Variants in LYPD6B observed in about 807,000 individuals in gnomAD.
The protein encoded by LYPD6B is ly6/PLAUR domain-containing protein 6B.
Under a neutral mutation model 22.8 loss-of-function variants are expected in LYPD6B, and 17 were observed. The observed-to-expected ratio is 0.75, with a 90% CI of 0.51 to 1.12. LYPD6B has a LOEUF of 1.12. Ranked by LOEUF, LYPD6B falls within the 50% of genes most tolerant of loss-of-function variation. LYPD6B has a pLI of 0.00. For synonymous variants in LYPD6B, 106 were observed against 91.6 expected, an observed-to-expected ratio of 1.16 and a Z score of -0.90; for missense variants, 221 against 258.3, an observed-to-expected ratio of 0.86 and a Z score of 0.99.
intron 1 of LYPD6B, among the ~76,000 whole-genome samples, chr2:149,098,126 C>A (rs938647589): frequency 6.6e-6 from 1 of 152,052 alleles, no homozygotes; most frequent in African/African-American, 2.4e-5. Flanking sequence ...ATAGACCCAG[C>A]TCTCATGTGC....
At chr2:149,081,770 C>T (rs1685147782) in intron 1 of LYPD6B, among the ~76,000 whole-genome samples, 1 of 152,116 alleles carries the variant, frequency 6.6e-6, no homozygotes, top group Non-Finnish European at 1.5e-5. Flanking sequence ...TTTATGTACA[C>T]ATTTTAAAAC....
In LYPD6B at chr2:149,205,393, C is replaced by T; in HGVS notation, c.218C>T (p.Pro73Leu). The T allele has an allele frequency of 6.2e-7, 1 of 1,613,814 alleles. No homozygotes were observed. Among genetic ancestry groups the T allele is most frequent in the Non-Finnish European group, 8.5e-7 (1 of 1,179,782 alleles). ...AACATCAACTTCTATAATGTGAGGC[C>T]TCCTCTCGACCGTAAGTAGTGGTGG... is the stretch of plus-strand genomic sequence containing the variant. ...AKNINFYNVR[P>L]PLDPTPFPNS... Residue 73 changes from proline (P) to leucine (L), a missense_variant, in exon 4 of 7, where the codon CCT (proline) becomes CTT (leucine). Pro to Leu is a moderately conservative substitution (Grantham distance 98, BLOSUM62 -3). Coordinates refer to ENST00000409642, the MANE Select transcript of LYPD6B (RefSeq NM_177964.5).
At chr2:149,065,086 G>C (rs888181453) in intron 1 of LYPD6B, among the ~76,000 whole-genome samples, 1 of 152,208 alleles carries the variant, frequency 6.6e-6, no homozygotes, top group Non-Finnish European at 1.5e-5. Flanking sequence ...TGCCTGAACT[G>C]TTTTGAAGTT....
intron 2 of LYPD6B, among the ~76,000 whole-genome samples, chr2:149,136,533 T>C (rs76777640): frequency 0.017 from 2,647 of 152,322 alleles, 81 homozygotes; most frequent in African/African-American, 0.06. Flanking sequence ...ATTTTCATGA[T>C]TGCAACTCTC....
intron 3 of LYPD6B, among the ~76,000 whole-genome samples, chr2:149,170,921 T>C (rs2105927738): frequency 6.6e-6 from 1 of 152,340 alleles, no homozygotes; most frequent in South Asian, 2.1e-4. Flanking sequence ...ACAGAGCTTC[T>C]TGGGGCAGGA....
intron 2 of LYPD6B, among the ~76,000 whole-genome samples, chr2:149,134,728 G>A (rs1044168222): frequency 6.6e-6 from 1 of 152,182 alleles, no homozygotes; most frequent in East Asian, 1.9e-4. Flanking sequence ...AAATTTGGAA[G>A]CAAGCCAGGA....
intron 4 of LYPD6B, among the ~76,000 whole-genome samples, 156 bp from the exon 5 acceptor site, chr2:149,208,158 G>A (rs930761082): frequency 1.3e-5 from 2 of 152,180 alleles, no homozygotes; most frequent in Non-Finnish European, 2.9e-5. Context: ...CCAAAAGCCT[G>A]ATGAGTAAAT....
At chr2:149,089,557 A>G (rs1434903880) in intron 1 of LYPD6B, among the ~76,000 whole-genome samples, 1 of 152,224 alleles carries the variant, frequency 6.6e-6, no homozygotes, top group Non-Finnish European at 1.5e-5. Context: ...TGATGTTAAC[A>G]TATTTTCAGG....
chr2:149,116,783 C>T (rs1687026966), intron 1 of LYPD6B, among the ~76,000 whole-genome samples: 1 of 152,186 alleles, frequency 6.6e-6, no homozygotes, highest in African/African-American at 2.4e-5. Flanking sequence ...TGGCTGCTAC[C>T]AGTGATTTCA....
chr2:149,159,026 C>G (rs1308690368), intron 2 of LYPD6B, among the ~76,000 whole-genome samples: 3 of 152,156 alleles, frequency 2.0e-5, no homozygotes, highest in Non-Finnish European at 4.4e-5. Flanking sequence ...ACTTTTATCC[C>G]TGGATCAGGC....
At chr2:149,186,083 G>A (rs1307678194) in intron 3 of LYPD6B, among the ~76,000 whole-genome samples, 1 of 152,192 alleles carries the variant, frequency 6.6e-6, no homozygotes, top group Non-Finnish European at 1.5e-5. Context: ...AGTGAAAGGA[G>A]GAGTCACATA....
intron 1 of LYPD6B, among the ~76,000 whole-genome samples, chr2:149,059,118 C>G (rs16826421): frequency 0.26 from 38,853 of 152,164 alleles, 5,113 homozygotes; most frequent in Admixed American, 0.3. Flanking sequence ...CAGTAATAAC[C>G]ACCTGTCAGC....
At chr2:149,142,621 T>A (rs963933223) in intron 2 of LYPD6B, among the ~76,000 whole-genome samples, 1 of 152,144 alleles carries the variant, frequency 6.6e-6, no homozygotes, top group South Asian at 2.1e-4. Flanking sequence ...ATAATGCTTA[T>A]CAACCTCTCC....
chr2:149,192,042 G>A (rs1231908316), intron 3 of LYPD6B, among the ~76,000 whole-genome samples: 2 of 152,132 alleles, frequency 1.3e-5, no homozygotes, highest in Admixed American at 1.3e-4. Context: ...ATTCTCTGGG[G>A]AGCTTGCAGA....
chr2:149,197,543 G>T (rs566159717), intron 3 of LYPD6B, among the ~76,000 whole-genome samples: 1 of 152,054 alleles, frequency 6.6e-6, no homozygotes, highest in Admixed American at 6.6e-5. Flanking sequence ...AATGATGGAT[G>T]CATCTGGAGG....
chr2:149,128,805 A>G (rs1036568235), intron 1 of LYPD6B, among the ~76,000 whole-genome samples: 2 of 152,264 alleles, frequency 1.3e-5, no homozygotes, highest in African/African-American at 4.8e-5. Context: ...GCTCAGATGC[A>G]TAAGGAATAC....
At chr2:149,175,763 G>C (rs1691253197) in intron 3 of LYPD6B, among the ~76,000 whole-genome samples, 1 of 136,988 alleles carries the variant, frequency 7.3e-6, no homozygotes, top group African/African-American at 2.7e-5. Context: ...TAAAAACTAA[G>C]ACACAAACAC....
intron 1 of LYPD6B, among the ~76,000 whole-genome samples, chr2:149,084,378 A>G (rs61518485): frequency 0.042 from 4,849 of 114,182 alleles, 234 homozygotes; most frequent in African/African-American, 0.14. Context: ...TGGAGTCATG[A>G]TTTTTATTTA....
At chr2:149,170,258 A>G (rs947491760) in intron 3 of LYPD6B, among the ~76,000 whole-genome samples, 1 of 152,184 alleles carries the variant, frequency 6.6e-6, no homozygotes, top group Non-Finnish European at 1.5e-5. Context: ...ACCACTCAGT[A>G]TTCATGGGGG....
Sources: gnomAD v4.1 joint callset for allele counts (sites outside exome capture counted in the v4.1 genomes callset) on GRCh38, gnomAD v4.1.1 for gene constraint, MANE v1.5 for transcripts, NCBI Gene and HGNC (gene_info 2026-07-23, HGNC 2026-07-21) for gene names.